The following MTMR2 variants were observed in gnomAD, a reference collection of about 807,000 sequenced individuals.
The protein encoded by MTMR2 is phosphatidylinositol-3,5-bisphosphate 3-phosphatase MTMR2.
A neutral mutation model predicts 86.9 loss-of-function variants in MTMR2; 55 were observed. That is an observed-to-expected ratio of 0.63 (90% CI 0.51 to 0.79). The LOEUF (loss-of-function observed/expected upper bound fraction) is 0.79. Among genes scored for constraint, MTMR2 ranks in the 30% least tolerant of loss-of-function variants. The pLI is 0.00. For missense variants in MTMR2, 659 were observed against 772.3 expected (o/e 0.85, Z 1.74); for synonymous variants, 241 against 266.8 (o/e 0.90, Z 0.94).
At chr11:95,902,201 T>G (rs1866099097) in intron 1 of MTMR2, among the ~76,000 whole-genome samples, 1 of 152,168 alleles carries the variant, frequency 6.6e-6, no homozygotes, top group South Asian at 2.1e-4. Context: ...GGCGATGGTA[T>G]ATCATATAAT....
intron 7 of MTMR2, among the ~76,000 whole-genome samples, chr11:95,855,612 T>C (rs908089638): frequency 1.5e-5 from 2 of 132,428 alleles, no homozygotes; most frequent in Non-Finnish European, 3.4e-5. Flanking sequence ...TGTAGATCTG[T>C]TGAATGAATG....
intron 1 of MTMR2, among the ~76,000 whole-genome samples, chr11:95,903,717 A>G (rs941231959): frequency 6.6e-6 from 1 of 152,278 alleles, no homozygotes; most frequent in East Asian, 1.9e-4. Context: ...AGAACCAAAC[A>G]CAGATTTTCC....
chr11:95,875,302 T>C (rs956622851), intron 2 of MTMR2, among the ~76,000 whole-genome samples: 128 of 152,214 alleles, frequency 8.4e-4, no homozygotes, highest in African/African-American at 2.6e-3. Flanking sequence ...TTTCTTTTCA[T>C]TCTTTTTTCT....
intron 7 of MTMR2, among the ~76,000 whole-genome samples, chr11:95,851,036 AG>A (rs1268127807): frequency 6.7e-6 from 1 of 149,620 alleles, no homozygotes; most frequent in African/African-American, 2.4e-5. Context: ...GGAAGGAAAC[AG>A]TAAGACTTCA....
chr11:95,834,590 T>C lies in MTMR2; in HGVS notation c.*700A>G, dbSNP rs1315793562. 1.4e-4 allele frequency: 21 copies of C among 152,224 alleles called. No individual in the cohort carries two copies. The highest frequency in any genetic ancestry group is 1.2e-4 in the Non-Finnish European group (8 of 68,106). 9.4% of individuals were successfully genotyped at this position (152,224 alleles called of 1,614,324 possible). ...GCTAATCTGAAGGGCATGGAATTCT[T>C]TGAACTCCTGTATGGCTACTTTCTC... On this transcript the variant is annotated 3_prime_UTR_variant, in exon 15 of 15. Coordinates refer to ENST00000346299, the MANE Select transcript of MTMR2 (RefSeq NM_016156.6).
chr11:95,851,897 T>C (rs1305332624), intron 7 of MTMR2, among the ~76,000 whole-genome samples: 2 of 152,210 alleles, frequency 1.3e-5, no homozygotes, highest in East Asian at 1.9e-4. Flanking sequence ...AAAAAACATA[T>C]CAACTATTGA....
chr11:95,885,475 T>A (rs521123), intron 2 of MTMR2, among the ~76,000 whole-genome samples: 8,363 of 151,942 alleles, frequency 0.055, 753 homozygotes, highest in African/African-American at 0.19. Context: ...AAGCAAGTGC[T>A]CAAAAAACAC....
At position 95,833,294 on chromosome 11, in the gene MTMR2, C is replaced by G. The variant is rs1287547295; in HGVS notation, c.*1996G>C. ...AGCTTCAACTTAATCATACTGGTCT[C>G]TAAATTTTGTAACCCTAATCAAAAA... is the stretch of plus-strand genomic sequence containing the variant. On this transcript the variant is annotated 3_prime_UTR_variant, in exon 15 of 15. Coordinates refer to ENST00000346299, the MANE Select transcript of MTMR2 (RefSeq NM_016156.6). The G allele has an allele frequency of 1.3e-5, 2 of 152,018 alleles. No homozygotes were observed. Among genetic ancestry groups the G allele is most frequent in the African/African-American group, 4.8e-5 (2 of 41,406 alleles). The allele number at this position is 152,018 out of a possible 1,614,324, so 9.4% of individuals were successfully genotyped here.
At chr11:95,861,820 T>A (rs1202683327) in intron 5 of MTMR2, among the ~76,000 whole-genome samples, 172 bp downstream of exon 5, 1 of 152,210 alleles carries the variant, frequency 6.6e-6, no homozygotes, top group African/African-American at 2.4e-5. Flanking sequence ...AATTCATGAA[T>A]CACCTTTTCT....
intron 9 of MTMR2, 38 bp from the exon 10 acceptor site, chr11:95,847,937 A>C (rs1288071204): frequency 6.4e-7 from 1 of 1,562,442 alleles, no homozygotes; most frequent in East Asian, 2.2e-5. Context: ...TCATAAATGA[A>C]TGCACATCTG....
intron 1 of MTMR2, among the ~76,000 whole-genome samples, chr11:95,919,857 A>G (rs552380412): frequency 4.6e-5 from 7 of 152,320 alleles, no homozygotes; most frequent in African/African-American, 1.7e-4. Flanking sequence ...ATTCGGCACT[A>G]GATATCTTAC....
intron 9 of MTMR2, 135 bp from the exon 10 acceptor site, chr11:95,848,034 G>T: frequency 1.2e-6 from 1 of 841,428 alleles, no homozygotes. Context: ...AATGTGGATG[G>T]CTCAGGACAA....
chr11:95,878,847 A>G (rs1324938027), intron 2 of MTMR2, among the ~76,000 whole-genome samples: 4 of 152,154 alleles, frequency 2.6e-5, no homozygotes, highest in Admixed American at 2.6e-4. Context: ...GAATAGATAT[A>G]ATATTATCTA....
intron 1 of MTMR2, among the ~76,000 whole-genome samples, chr11:95,912,087 GTTTTT>G (rs67486618): frequency 7.1e-6 from 1 of 141,706 alleles, no homozygotes; most frequent in East Asian, 2.0e-4. Flanking sequence ...ACACAGGTGG[GTTTTT>G]TTTTTTTTTT....
chr11:95,842,915 C>G (rs996824600), intron 11 of MTMR2, among the ~76,000 whole-genome samples: 5 of 152,146 alleles, frequency 3.3e-5, no homozygotes, highest in African/African-American at 7.2e-5. Flanking sequence ...TTTATTAAAT[C>G]TCATCCCTTA....
chr11:95,868,356 G>C (rs1215832773), intron 2 of MTMR2, among the ~76,000 whole-genome samples: 1 of 149,954 alleles, frequency 6.7e-6, no homozygotes, highest in Non-Finnish European at 1.5e-5. Context: ...AAGTCATAAG[G>C]AGAGAGACAC....
At chr11:95,848,059 C>T (rs1369688082) in intron 9 of MTMR2, among the ~76,000 whole-genome samples, 160 bp from the exon 10 acceptor site, 1 of 152,172 alleles carries the variant, frequency 6.6e-6, no homozygotes, top group Non-Finnish European at 1.5e-5. Flanking sequence ...TTTAGCACAA[C>T]CACTCGCTTT....
rs1864588287 is a variant in MTMR2 at position 95,865,684 on chromosome 11, G to A, written c.187-8C>T. The A allele has an allele frequency of 3.8e-6, 6 of 1,590,738 alleles. No homozygotes were observed. Among genetic ancestry groups the A allele is most frequent in the Non-Finnish European group, 5.2e-6 (6 of 1,161,634 alleles). ...GTTAGACTCCCTCAGGACCTGGGGT[G>A]GGAAAGACAAAAAAAGAAACATTTT... On this transcript the variant is annotated splice_polypyrimidine_tract_variant and splice_region_variant and intron_variant, in intron 2 of 14. Coordinates refer to ENST00000346299, the MANE Select transcript of MTMR2 (RefSeq NM_016156.6).
intron 1 of MTMR2, among the ~76,000 whole-genome samples, chr11:95,889,515 T>G (rs571290): frequency 0.33 from 39,260 of 117,248 alleles, 6,735 homozygotes; most frequent in Non-Finnish European, 0.42. Flanking sequence ...ATGTCTTTTT[T>G]GGGGGGGGAG....
Sources: allele counts gnomAD v4.1 joint callset (sites outside exome capture counted in the v4.1 genomes callset), GRCh38; gene constraint gnomAD v4.1.1; transcripts MANE v1.5; gene names NCBI Gene and HGNC (gene_info 2026-07-23, HGNC 2026-07-21).